FKBP6: variants seen among roughly 807,000 people sequenced by gnomAD.
The protein encoded by FKBP6 is inactive peptidyl-prolyl cis-trans isomerase FKBP6.
A neutral mutation model predicts 41.7 loss-of-function variants in FKBP6; 29 were observed. The observed-to-expected ratio is 0.70, with a 90% CI of 0.52 to 0.95. The LOEUF (loss-of-function observed/expected upper bound fraction) is 0.95, where lower values mean the gene tolerates loss of function less well. FKBP6 is among the 40% of genes least tolerant of loss of function. The probability of loss-of-function intolerance (pLI) is 0.00; values close to 1 mark genes in which losing one functional copy is unlikely to be tolerated. For synonymous variants in FKBP6, 130 were observed against 165.1 expected, an observed-to-expected ratio of 0.79 and a Z score of 1.63; for missense variants, 338 against 408.7, an observed-to-expected ratio of 0.83 and a Z score of 1.49.
chr7:73,331,542 C>A, intron 4 of FKBP6, 115 bp from the exon 5 acceptor site: 1 of 964,020 alleles, frequency 1.0e-6, no homozygotes, highest in Non-Finnish European at 1.7e-6. Flanking sequence ...GAGACATGTT[C>A]TCACTATGTT....
chr7:73,341,217 C>T (rs1805173447), intron 6 of FKBP6, 56 bp from the exon 7 acceptor site: 2 of 1,258,206 alleles, frequency 1.6e-6, no homozygotes, highest in African/African-American at 2.9e-5. Flanking sequence ...AGCCACCGTG[C>T]CCAGCCAAAT....
In FKBP6 at chr7:73,332,872, G is replaced by A. The variant is rs139692465; in HGVS notation, c.588+1096G>A. Among the ~76,000 whole-genome samples, 35 of 152,276 alleles carry A rather than the reference G, an allele frequency of 2.3e-4. 1 individual carries two copies. In the East Asian group the frequency reaches 5.6e-3, roughly 24 times the overall value. ...CTCTGACAGTGGAGGCTCATTTGGC[G>A]ATTCTAGCCTGAGGCAATTGCAGCC... On this transcript the variant is annotated intron_variant, in intron 5 of 8. Coordinates refer to ENST00000252037, the MANE Select transcript of FKBP6 (RefSeq NM_003602.5).
At chr7:73,347,352 T>C (rs1224971890) in intron 8 of FKBP6, among the ~76,000 whole-genome samples, 1 of 152,216 alleles carries the variant, frequency 6.6e-6, no homozygotes, top group Admixed American at 6.5e-5. Context: ...GCTATGTAAT[T>C]GCCAAGGTTG....
chr7:73,351,217 A>G (rs1805481408), intron 8 of FKBP6, among the ~76,000 whole-genome samples: 1 of 152,070 alleles, frequency 6.6e-6, no homozygotes, highest in South Asian at 2.1e-4. Context: ...TTTGGTAGAG[A>G]CGGGGTTTCA....
chr7:73,330,221 A>G lies in FKBP6; in HGVS notation c.337A>G (p.Lys113Glu). ...AGGAGAGCTGGCCAGGTTTCTGTTCAAACCGAACTACGCCTATGGAACGCT... is the reference window on the plus strand; with the variant it reads ...AGGAGAGCTGGCCAGGTTTCTGTTCGAACCGAACTACGCCTATGGAACGCT... The part of the protein sequence containing the change: ...RRGELARFLF[K>E]PNYAYGTLGC... The change falls in exon 4 of 9, where the codon AAA (lysine) becomes GAA (glutamate). Residue 113 changes from lysine to glutamate, a missense_variant. By Grantham distance (56) the Lys-to-Glu change is moderately conservative. This residue lies in a region of FKBP6 where 99 missense variants were observed against 158.6 expected (regional missense o/e 0.62). Coordinates refer to ENST00000252037, the MANE Select transcript of FKBP6 (RefSeq NM_003602.5). 6.2e-7 allele frequency: 1 copy of G among 1,614,030 alleles called. No homozygotes were observed. Among genetic ancestry groups the G allele is most frequent in the Non-Finnish European group, 8.5e-7 (1 of 1,179,916 alleles).
At chr7:73,329,997 G>A (rs1160077754) in intron 3 of FKBP6, among the ~76,000 whole-genome samples, 153 bp from the exon 4 acceptor site, 1 of 152,194 alleles carries the variant, frequency 6.6e-6, no homozygotes, top group African/African-American at 2.4e-5. Flanking sequence ...TAGAAGCTGG[G>A]CACAGGCTCA....
rs1554549822 is a variant in FKBP6 at position 73,342,917 on chromosome 7, G to A, written c.*2+18G>A. On this transcript the variant is annotated intron_variant, in intron 8 of 8. Transcript: ENST00000252037. ...AGTTGAAGGTAATCAAAGGGCCAGG[G>A]TGGCACACAGGCTTCCGGATGGAGA... 1.3e-6 allele frequency: 2 copies of A among 1,557,306 alleles called. No individual in the cohort carries two copies. Among genetic ancestry groups the A allele is most frequent in the East Asian group, 2.2e-5 (1 of 44,624 alleles).
chr7:73,337,655 C>T (rs1172439231), intron 5 of FKBP6, among the ~76,000 whole-genome samples: 6 of 152,206 alleles, frequency 3.9e-5, no homozygotes, highest in African/African-American at 1.4e-4. Flanking sequence ...AAATGGAGTT[C>T]CAGGGAGTGC....
At chr7:73,348,815 TAC>T (rs1554550682) in intron 8 of FKBP6, among the ~76,000 whole-genome samples, 2 of 152,154 alleles carry the variant, frequency 1.3e-5, no homozygotes, top group African/African-American at 4.8e-5. Flanking sequence ...TTTAAAAGGA[TAC>T]AAATGGGCCA....
intron 2 of FKBP6, among the ~76,000 whole-genome samples, 192 bp from the exon 3 acceptor site, chr7:73,329,168 A>ATG (rs1554547033): frequency 2.0e-5 from 3 of 152,114 alleles, no homozygotes; most frequent in East Asian, 3.9e-4. Context: ...ATGCTTCCGC[A>ATG]AAGCTCTTGA....
chr7:73,355,564 C>T (rs1231312156), intron 8 of FKBP6, among the ~76,000 whole-genome samples: 1 of 151,872 alleles, frequency 6.6e-6, no homozygotes, highest in Admixed American at 6.6e-5. Context: ...TCATGGGACA[C>T]ACCCTAGATC....
At chr7:73,335,593 G>C (rs1554548448) in intron 5 of FKBP6, among the ~76,000 whole-genome samples, 2 of 152,156 alleles carry the variant, frequency 1.3e-5, no homozygotes, top group Non-Finnish European at 2.9e-5. Flanking sequence ...GATTGCTGAG[G>C]CCATCTGGAC....
intron 8 of FKBP6, among the ~76,000 whole-genome samples, chr7:73,352,877 T>C (rs1805528995): frequency 6.6e-6 from 1 of 152,124 alleles, no homozygotes; most frequent in South Asian, 2.1e-4. Context: ...CAGAGGGGCA[T>C]CTCCAGGATG....
chr7:73,338,385 A>T (rs1805072073), intron 5 of FKBP6, among the ~76,000 whole-genome samples: 1 of 152,208 alleles, frequency 6.6e-6, no homozygotes, highest in African/African-American at 2.4e-5. Context: ...TTGTCCATTC[A>T]TCAGTTGGAC....
intron 8 of FKBP6, among the ~76,000 whole-genome samples, chr7:73,355,462 C>A (rs1294248115): frequency 6.6e-6 from 1 of 152,118 alleles, no homozygotes; most frequent in African/African-American, 2.4e-5. Flanking sequence ...CTCGTGGGAT[C>A]CCTTCGTCTG....
chr7:73,334,660 TCC>T (rs1208339252), intron 5 of FKBP6, among the ~76,000 whole-genome samples: 1 of 152,164 alleles, frequency 6.6e-6, no homozygotes, highest in Non-Finnish European at 1.5e-5. Flanking sequence ...TATTTGTTCT[TCC>T]CCTCCCTAGC....
intron 7 of FKBP6, 47 bp from the exon 8 acceptor site, chr7:73,342,760 C>T (rs2115908462): frequency 7.6e-7 from 1 of 1,313,144 alleles, no homozygotes; most frequent in Non-Finnish European, 1.1e-6. Flanking sequence ...GATGTCACCT[C>T]CTCCAAACAC....
intron 2 of FKBP6, 91 bp from the exon 3 acceptor site, chr7:73,329,269 A>G (rs781816180): frequency 2.8e-5 from 23 of 826,748 alleles, no homozygotes; most frequent in Non-Finnish European, 4.3e-5. Context: ...TCATCTGTTC[A>G]CATTGTTTCT....
In FKBP6 at chr7:73,358,567, A is replaced by C. The variant is rs1247938403; in HGVS notation, c.*389A>C. The C allele has an allele frequency of 2.6e-5, 4 of 152,646 alleles. No homozygotes were observed. Among genetic ancestry groups the C allele is most frequent in the African/African-American group, 9.7e-5 (4 of 41,446 alleles). 9.5% of individuals were successfully genotyped at this position (152,646 alleles called of 1,614,324 possible). On this transcript the variant is annotated 3_prime_UTR_variant, in exon 9 of 9. Coordinates refer to ENST00000252037, the MANE Select transcript of FKBP6 (RefSeq NM_003602.5). The stretch of plus-strand genomic sequence containing the variant: ...TTGTAGGGTTCTCTGTTTTGAAGAC[A>C]GAATTATGTTACAAATGTTTTTGTT...
Sources: gnomAD v4.1 joint callset for allele counts (sites outside exome capture counted in the v4.1 genomes callset) on GRCh38, gnomAD v4.1.1 for gene constraint, gnomAD v4.1.1 regional missense constraint, MANE v1.5 for transcripts, NCBI Gene and HGNC (gene_info 2026-07-23, HGNC 2026-07-21) for gene names.